The following RFX5 variants were observed in gnomAD, a reference collection of about 807,000 sequenced individuals.
RFX5 encodes the protein regulatory factor X5.
A neutral mutation model predicts 41.2 loss-of-function variants in RFX5; 30 were observed. The ratio of observed to expected loss-of-function variants is 0.73; its 90% confidence interval spans 0.54 to 0.99. The LOEUF is 0.99. RFX5 is among the 50% of genes least tolerant of loss of function. RFX5 has a pLI of 0.00. For synonymous variants in RFX5, 231 were observed against 291.8 expected, an observed-to-expected ratio of 0.79 and a Z score of 2.12; for missense variants, 715 against 773.6, an observed-to-expected ratio of 0.92 and a Z score of 0.90.
chr1:151,343,668 A>G lies in RFX5; in HGVS notation c.757+13T>C. On this transcript the variant is annotated intron_variant, in intron 9 of 10. Coordinates refer to ENST00000452671, the MANE Select transcript of RFX5 (RefSeq NM_001025603.2). ...GCTCAGGGTTGCTGAGACATAAGAG[A>G]GGGTCAACACACCAGCGAGCCCCAT... The G allele has an allele frequency of 6.2e-7, 1 of 1,613,062 alleles. No homozygotes were observed. Among genetic ancestry groups the G allele is most frequent in the Non-Finnish European group, 8.5e-7 (1 of 1,179,482 alleles).
Position 151,346,325 on chromosome 1 carries a change from G to GC in RFX5, c.-6dup. On this transcript the variant is annotated 5_prime_UTR_variant, in exon 3 of 11. Coordinates refer to ENST00000452671, the MANE Select transcript of RFX5 (RefSeq NM_001025603.2). ...ATCAGGCTCATCTTCTGCCATCCCG[G>GC]CATGAGGGCTAGAATTGAGAGGGAC... 3 of 1,613,246 alleles carry GC rather than the reference G, an allele frequency of 1.9e-6. No homozygotes were observed. The South Asian group carries it at 3.3e-5, about 18-fold the overall frequency.
chr1:151,343,569 G>T, intron 9 of RFX5, 112 bp downstream of exon 9: 1 of 1,415,306 alleles, frequency 7.1e-7, no homozygotes, highest in Non-Finnish European at 9.8e-7. Context: ...GTCTTAGAAG[G>T]GTCTCCAGGA....
chr1:151,343,482 A>C, intron 9 of RFX5, 40 bp from the exon 10 acceptor site: 1 of 1,569,838 alleles, frequency 6.4e-7, no homozygotes, highest in Non-Finnish European at 8.8e-7. Context: ...GAAGGTGAGG[A>C]GGAAACTGAG....
rs1650547272 is a variant in RFX5, at chr1:151,342,547, C to G, written c.1490G>C (p.Arg497Thr). Reference sequence around the variant, plus strand: ...TGAGCCCCATGTCTCCCATGGTAACCTTGAGGACTGGGCAGATTCCATGGC... The same window carrying G: ...TGAGCCCCATGTCTCCCATGGTAACGTTGAGGACTGGGCAGATTCCATGGC... The part of the protein sequence containing the change: ...AAAMESAQSS[R>T]LPWETWGSGG... The change falls in exon 11 of 11, where the codon AGG becomes ACG. Residue 497 changes from arginine to threonine, a missense_variant. By Grantham distance (71) the Arg-to-Thr change is moderately conservative (BLOSUM62 -1). Transcript: ENST00000452671. The G allele has an allele frequency of 6.2e-7, 1 of 1,614,192 alleles. No individual in the cohort carries two copies.
chr1:151,345,343 C>G, intron 4 of RFX5, 155 bp from the exon 5 acceptor site: 1 of 626,712 alleles, frequency 1.6e-6, no homozygotes, highest in Middle Eastern at 3.1e-4. Flanking sequence ...GGCACGGTGG[C>G]TCACGCCTAC....
intron 1 of RFX5, chr1:151,346,901 T>A (rs1399726264): frequency 6.5e-6 from 1 of 154,548 alleles, no homozygotes; most frequent in Non-Finnish European, 1.4e-5. Context: ...GGCCCCTACG[T>A]CATCTCCCAC....
chr1:151,343,396 A>G lies in RFX5; in HGVS notation c.804T>C (p.Asn268=). The G allele has an allele frequency of 1.2e-6, 2 of 1,613,840 alleles. No individual in the cohort carries two copies. The highest frequency in any genetic ancestry group is 1.7e-6 in the Non-Finnish European group (2 of 1,180,006). ...APRERSSKPK[N]GLENPEGGAH... ...CTCCACCCTCTGGGTTCTCTAAACC[A>G]TTCTTTGGTTTAGATGACCGTTCCC... The change falls in exon 10 of 11, where the codon AAT becomes AAC. Residue 268 remains asparagine (N), a synonymous_variant. Transcript: ENST00000452671.
chr1:151,346,247 C>G lies in RFX5; in HGVS notation c.74G>C (p.Gly25Ala), dbSNP rs1651044738. Residue 25 changes from glycine to alanine, a missense_variant, in exon 3 of 11, where the codon GGG becomes GCG. Transcript: ENST00000452671. ...GRAPPGGAEAGEPTTLLQRLR... is the reference protein window; with the variant it reads ...GRAPPGGAEAAEPTTLLQRLR... Reference sequence around the variant, plus strand: ...CCTCTGAAGAAGGGTGGTAGGTTCCCCAGCCTCAGCACCACCTGGGGGGGC... The same window carrying G: ...CCTCTGAAGAAGGGTGGTAGGTTCCGCAGCCTCAGCACCACCTGGGGGGGC... The G allele has an allele frequency of 1.2e-6, 2 of 1,614,168 alleles. No individual in the cohort carries two copies. Among genetic ancestry groups the G allele is most frequent in the Non-Finnish European group, 1.7e-6 (2 of 1,180,020 alleles).
Position 151,342,113 on chromosome 1 carries a change from G to C in RFX5, c.*73C>G. ...TAGGAAAAGAATAGCCAAATGAGAA[G>C]CAAGTGCAAAGAAGGGCCTCTACTA... is the stretch of plus-strand genomic sequence containing the variant. On this transcript the variant is annotated 3_prime_UTR_variant, in exon 11 of 11. Transcript: ENST00000452671. 6.3e-7 allele frequency: 1 copy of C among 1,599,770 alleles called. No homozygotes were observed. The highest frequency in any genetic ancestry group is 8.6e-7 in the Non-Finnish European group (1 of 1,167,246).
At position 151,343,897 on chromosome 1, in the gene RFX5, G is replaced by T; in HGVS notation, c.556-15C>A. On this transcript the variant is annotated splice_polypyrimidine_tract_variant and intron_variant, in intron 8 of 10. Transcript: ENST00000452671. ...CCCATTTCTGGCTGAAGTGGGGAAG[G>T]ACATGCCCAATCACACTCCAAATTA... 3 of 1,611,734 alleles carry T rather than the reference G, an allele frequency of 1.9e-6. No homozygotes were observed. The highest frequency in any genetic ancestry group is 1.1e-5 in the South Asian group (1 of 91,034).
At chr1:151,346,697 A>G (rs1651091931) in intron 1 of RFX5, 91 bp from the exon 2 acceptor site, 4 of 260,822 alleles carry the variant, frequency 1.5e-5, no homozygotes, top group South Asian at 4.2e-5. Flanking sequence ...CCTCCCCCTC[A>G]AAAACAACAA....
rs772968670 is a variant in RFX5, at chr1:151,342,510, G to T, written c.1527C>A (p.Gly509=). Residue 509 remains glycine, a synonymous_variant, in exon 11 of 11, where the codon GGC becomes GGA. Coordinates refer to ENST00000452671, the MANE Select transcript of RFX5 (RefSeq NM_001025603.2). ...PWETWGSGGE[G]NSAGGAERPG... Reference sequence around the variant, plus strand: ...GCCTCTCTGCCCCTCCAGCTGAGTTGCCTTCCCCTCCTGAGCCCCATGTCT... The same window carrying T: ...GCCTCTCTGCCCCTCCAGCTGAGTTTCCTTCCCCTCCTGAGCCCCATGTCT... The T allele has an allele frequency of 6.2e-7, 1 of 1,614,034 alleles. No homozygotes were observed. Among genetic ancestry groups the T allele is most frequent in the Non-Finnish European group, 8.5e-7 (1 of 1,179,960 alleles).
rs1650507041 is a variant in RFX5, at chr1:151,342,234, T to C, written c.1803A>G (p.Gln601=). Residue 601 remains glutamine (Q), a synonymous_variant, in exon 11 of 11, where the codon CAA becomes CAG. Coordinates refer to ENST00000452671, the MANE Select transcript of RFX5 (RefSeq NM_001025603.2). ...GNKDLKEHVL[Q]SSLSQEHKDP... ...CTTTATGCTCCTGGGATAAGGAACT[T>C]TGAAGCACATGCTCCTTTAAGTCTT... 1 of 1,614,202 alleles carries C rather than the reference T, an allele frequency of 6.2e-7. No individual in the cohort carries two copies. Among genetic ancestry groups the C allele is most frequent in the Non-Finnish European group, 8.5e-7 (1 of 1,180,032 alleles).
chr1:151,346,710 A>G, intron 1 of RFX5, 104 bp from the exon 2 acceptor site: 1 of 248,272 alleles, frequency 4.0e-6, no homozygotes, highest in Non-Finnish European at 8.1e-6. Flanking sequence ...AACAACAATA[A>G]CAGCCACAAA....
At position 151,341,112 on chromosome 1, in the gene RFX5, T is replaced by C. The variant is rs1402470006; in HGVS notation, c.*1074A>G. 6.6e-6 allele frequency: 1 copy of C among 152,314 alleles called. No homozygotes were observed. The highest frequency in any genetic ancestry group is 1.5e-5 in the Non-Finnish European group (1 of 68,038). 9.4% of individuals were successfully genotyped at this position (152,314 alleles called of 1,614,324 possible). A position where few individuals can be genotyped will look rare whatever the true frequency, so the allele number is the denominator to read the frequency against. Reference sequence around the variant, plus strand: ...AGTCTTTCACTCTAGTTGGTGGAACTGGCAATAGGGTGAGAGGGAAGCAGG... The same window carrying C: ...AGTCTTTCACTCTAGTTGGTGGAACCGGCAATAGGGTGAGAGGGAAGCAGG... On this transcript the variant is annotated 3_prime_UTR_variant, in exon 11 of 11. Transcript: ENST00000452671.
chr1:151,345,989 T>A, intron 3 of RFX5, 28 bp from the exon 4 acceptor site: 1 of 1,613,966 alleles, frequency 6.2e-7, no homozygotes, highest in Non-Finnish European at 8.5e-7. Flanking sequence ...AAGCTGGAGG[T>A]CACACACAAG....
At position 151,344,820 on chromosome 1, in the gene RFX5, C is replaced by G; in HGVS notation, c.261G>C (p.Glu87Asp). ...TCCACCTATAGGCATACATGTACTC[C>G]TCATTGCTCAGTGTACTTGGCTCTG... ...KSSEPSTLSN[E>D]EYMYAYRWIR... The change falls in exon 6 of 11, where the codon GAG becomes GAC. Residue 87 changes from glutamate (E) to aspartate (D), a missense_variant. Physicochemically the swap from Glu to Asp is conservative, Grantham distance 45. Coordinates refer to ENST00000452671, the MANE Select transcript of RFX5 (RefSeq NM_001025603.2). The G allele has an allele frequency of 6.2e-7, 1 of 1,614,096 alleles. No homozygotes were observed. The highest frequency in any genetic ancestry group is 8.5e-7 in the Non-Finnish European group (1 of 1,179,994).
rs1355897205 is a variant in RFX5, at chr1:151,344,840, G to C, written c.241C>G (p.Pro81Ala). 2 of 1,614,000 alleles carry C rather than the reference G, an allele frequency of 1.2e-6. No homozygotes were observed. Among genetic ancestry groups the C allele is most frequent in the African/African-American group, 2.7e-5 (2 of 74,884 alleles). ...GPTTGDKSSE[P>A]STLSNEEYMY... The stretch of plus-strand genomic sequence containing the variant: ...TACTCCTCATTGCTCAGTGTACTTG[G>C]CTCTGAGCTACAGAAACAAAAGGAA... Residue 81 changes from proline (P) to alanine (A), a missense_variant, in exon 6 of 11, where the codon CCA becomes GCA. Coordinates refer to ENST00000452671, the MANE Select transcript of RFX5 (RefSeq NM_001025603.2).
chr1:151,342,039 A>T lies in RFX5; in HGVS notation c.*147T>A. 1.8e-6 allele frequency: 2 copies of T among 1,132,410 alleles called. No individual in the cohort carries two copies. The highest frequency in any genetic ancestry group is 2.6e-6 in the Non-Finnish European group (2 of 755,972). 70.1% of individuals were successfully genotyped at this position (1,132,410 alleles called of 1,614,324 possible). On this transcript the variant is annotated 3_prime_UTR_variant, in exon 11 of 11. Coordinates refer to ENST00000452671, the MANE Select transcript of RFX5 (RefSeq NM_001025603.2). The stretch of plus-strand genomic sequence containing the variant: ...AGGTCAGAGGCAGCAACCAGGTACT[A>T]AGTAGACTGGGTGACTCAGCTGTCT...
Sources: allele counts gnomAD v4.1 joint callset, GRCh38; gene constraint gnomAD v4.1.1; transcripts MANE v1.5; gene names NCBI Gene and HGNC (gene_info 2026-07-23, HGNC 2026-07-21).